Variants in HEPHL1 observed in about 807,000 individuals in gnomAD.
HEPHL1 encodes the protein ferroxidase HEPHL1.
A neutral mutation model predicts 122.0 loss-of-function variants in HEPHL1; 123 were observed. That is an observed-to-expected ratio of 1.01 (90% CI 0.87 to 1.17). HEPHL1 has a LOEUF of 1.17. HEPHL1 is among the 50% of genes most tolerant of loss of function. HEPHL1 has a pLI of 0.00. For synonymous variants in HEPHL1, 527 were observed against 508.9 expected (o/e 1.04, Z -0.48); for missense variants, 1,452 against 1,430.5 (o/e 1.01, Z -0.24).
Position 94,075,326 on chromosome 11 carries a change from G to A in HEPHL1, c.1657G>A (p.Gly553Ser), listed in dbSNP as rs371825665. 16 of 1,613,298 alleles carry A rather than the reference G, an allele frequency of 9.9e-6. No homozygotes were observed. Among genetic ancestry groups the A allele is most frequent in the Non-Finnish European group, 1.3e-5 (15 of 1,179,620 alleles). ...TGATCCAATTAAGGACACCAGCTCT[G>A]GCCTGGTAGGGCCTTTGCTAGTCTG... ...AVDPIKDTSS[G>S]LVGPLLVCKK... is the part of the protein sequence containing the mutation. The change falls in exon 9 of 20, where the codon GGC becomes AGC. Residue 553 changes from glycine to serine, a missense_variant. Coordinates refer to ENST00000315765, the MANE Select transcript of HEPHL1 (RefSeq NM_001098672.2).
chr11:94,098,118 C>G (rs1946334272), intron 13 of HEPHL1, among the ~76,000 whole-genome samples: 1 of 152,206 alleles, frequency 6.6e-6, no homozygotes, highest in African/African-American at 2.4e-5. Context: ...CATCGATGAT[C>G]TTTACAATTT....
intron 2 of HEPHL1, among the ~76,000 whole-genome samples, chr11:94,046,448 T>C (rs1375609929): frequency 6.7e-6 from 1 of 150,322 alleles, no homozygotes; most frequent in Non-Finnish European, 1.5e-5. Context: ...TCTTTCTTGC[T>C]CTTCTTTATG....
chr11:94,063,765 T>A, intron 3 of HEPHL1, 45 bp downstream of exon 3: 1 of 1,527,388 alleles, frequency 6.5e-7, no homozygotes, highest in Non-Finnish European at 9.1e-7. Flanking sequence ...GAAATGTGAA[T>A]AAGATTCAGG....
At chr11:94,064,192 T>G (rs777916873) in intron 3 of HEPHL1, 139 bp from the exon 4 acceptor site, 4 of 588,982 alleles carry the variant, frequency 6.8e-6, no homozygotes, top group African/African-American at 1.9e-5. Flanking sequence ...ATTAAAGCCT[T>G]TTGCTGATTT....
rs1402446031 is a variant in HEPHL1 at position 94,113,148 on chromosome 11, C to T, written c.*1254C>T. The T allele has an allele frequency of 6.6e-6, 1 of 152,174 alleles. No homozygotes were observed. Among genetic ancestry groups the T allele is most frequent in the Non-Finnish European group, 1.5e-5 (1 of 68,028 alleles). The allele number at this position is 152,174 out of a possible 1,614,324, so 9.4% of individuals were successfully genotyped here. On this transcript the variant is annotated 3_prime_UTR_variant, in exon 20 of 20. Coordinates refer to ENST00000315765, the MANE Select transcript of HEPHL1 (RefSeq NM_001098672.2). ...ACTCAACCCATTATGAGGCAATCTACACTGTCCATACCTATGCTTAGACAG... is the reference window on the plus strand; with the variant it reads ...ACTCAACCCATTATGAGGCAATCTATACTGTCCATACCTATGCTTAGACAG...
intron 6 of HEPHL1, among the ~76,000 whole-genome samples, chr11:94,072,731 C>A (rs1414904101): frequency 6.6e-6 from 1 of 151,982 alleles, no homozygotes; most frequent in Admixed American, 6.6e-5. Context: ...TTGTAGAACA[C>A]CATTCTGGAA....
At chr11:94,080,158 T>C (rs1182398541) in intron 9 of HEPHL1, among the ~76,000 whole-genome samples, 1 of 152,198 alleles carries the variant, frequency 6.6e-6, no homozygotes, top group East Asian at 1.9e-4. Context: ...TACAACCATC[T>C]GATCTTTGAC....
rs1339798316 is a variant in HEPHL1, at chr11:94,088,969, G to A, written c.2294+1G>A. On this transcript the variant is annotated splice_donor_variant, in intron 12 of 19. Coordinates refer to ENST00000315765, the MANE Select transcript of HEPHL1 (RefSeq NM_001098672.2). LOFTEE classifies it high-confidence loss of function. ...AGCACGTGGACGCAAGAGGGGAAAGGTACCACAGGCGCCGCCGCTAGGGCT... is the reference window on the plus strand; with the variant it reads ...AGCACGTGGACGCAAGAGGGGAAAGATACCACAGGCGCCGCCGCTAGGGCT... The A allele has an allele frequency of 5.0e-6, 8 of 1,613,892 alleles. No individual in the cohort carries two copies. The highest frequency in any genetic ancestry group is 1.1e-5 in the South Asian group (1 of 91,078).
intron 10 of HEPHL1, 90 bp from the exon 11 acceptor site, chr11:94,085,887 C>G (rs1001205284): frequency 8.7e-5 from 80 of 920,668 alleles, no homozygotes; most frequent in Non-Finnish European, 1.3e-4. Context: ...TCTCTGAAAA[C>G]AAGGATCTTT....
intron 12 of HEPHL1, among the ~76,000 whole-genome samples, chr11:94,091,729 T>C (rs1409288576): frequency 6.6e-6 from 1 of 152,064 alleles, no homozygotes; most frequent in Non-Finnish European, 1.5e-5. Flanking sequence ...AGGTTGGTAG[T>C]CGGCGGGGGC....
At chr11:94,037,108 G>A (rs1470051698) in intron 1 of HEPHL1, among the ~76,000 whole-genome samples, 38 of 152,154 alleles carry the variant, frequency 2.5e-4, no homozygotes, top group African/African-American at 2.9e-4. Flanking sequence ...AAGGGGTGAC[G>A]GACGCACCTG....
At chr11:94,105,202 G>T (rs1156960281) in intron 16 of HEPHL1, among the ~76,000 whole-genome samples, 1 of 152,142 alleles carries the variant, frequency 6.6e-6, no homozygotes, top group African/African-American at 2.4e-5. Context: ...TGGGAGTAAT[G>T]TGTTCACATT....
intron 11 of HEPHL1, among the ~76,000 whole-genome samples, chr11:94,088,129 C>A (rs1486144764): frequency 6.6e-6 from 1 of 152,110 alleles, no homozygotes; most frequent in African/African-American, 2.4e-5. Flanking sequence ...TTTTGACAGA[C>A]AGGATTGTCA....
In HEPHL1 at chr11:94,073,373, G is replaced by T. The variant is rs750689503; in HGVS notation, c.1438G>T (p.Val480Phe). ...GACCTTTGCCAACAAAGCCGACAAG[G>T]TCTATAGCATTTTACCCCATGGTGT... is the stretch of plus-strand genomic sequence containing the variant. ...LVTFANKADK[V>F]YSILPHGVIY... is the part of the protein sequence containing the mutation. Residue 480 changes from valine (V) to phenylalanine (F), a missense_variant, in exon 8 of 20, where the codon GTC becomes TTC. Physicochemically the swap from Val to Phe is conservative, Grantham distance 50 (BLOSUM62 -1). Coordinates refer to ENST00000315765, the MANE Select transcript of HEPHL1 (RefSeq NM_001098672.2). 2 of 1,584,042 alleles carry T rather than the reference G, an allele frequency of 1.3e-6. No individual in the cohort carries two copies. Among genetic ancestry groups the T allele is most frequent in the East Asian group, 4.6e-5 (2 of 43,832 alleles).
Position 94,082,474 on chromosome 11 carries a change from C to T in HEPHL1, c.1773C>T (p.Ser591=). 6.2e-7 allele frequency: 1 copy of T among 1,611,916 alleles called. No individual in the cohort carries two copies. The highest frequency in any genetic ancestry group is 8.5e-7 in the Non-Finnish European group (1 of 1,178,170). Residue 591 remains serine (S), a synonymous_variant, in exon 10 of 20, where the codon AGC becomes AGT. Coordinates refer to ENST00000315765, the MANE Select transcript of HEPHL1 (RefSeq NM_001098672.2). ...TCACAGTCTTTGATGAGAATCTGAG[C>T]AGATATTTTGATGAAAACATTCAGA... The part of the protein sequence containing the change: ...LLFTVFDENL[S]RYFDENIQKF...
chr11:94,064,229 T>C (rs559887267), intron 3 of HEPHL1, 102 bp from the exon 4 acceptor site: 2 of 773,986 alleles, frequency 2.6e-6, no homozygotes, highest in Admixed American at 2.7e-5. Flanking sequence ...CTTGTAGGTA[T>C]AGGTCTTCAC....
chr11:94,113,001 G>A lies in HEPHL1; in HGVS notation c.*1107G>A, dbSNP rs28373810. ...TACCTCTTCATGGAAGGAGAAAAAA[G>A]GAAAAGGAAAGGTGAGAAAAAGATA... On this transcript the variant is annotated 3_prime_UTR_variant, in exon 20 of 20. Transcript: ENST00000315765. The A allele has an allele frequency of 6.6e-6, 1 of 151,956 alleles. No homozygotes were observed. Among genetic ancestry groups the A allele is most frequent in the Admixed American group, 6.6e-5 (1 of 15,258 alleles). 9.4% of individuals were successfully genotyped at this position (151,956 alleles called of 1,614,324 possible). A position where few individuals can be genotyped will look rare whatever the true frequency, so the allele number is the denominator to read the frequency against.
At position 94,113,092 on chromosome 11, in the gene HEPHL1, TTCAAATGCA is replaced by T. The variant is rs577628469; in HGVS notation, c.*1199_*1207del. 6.6e-5 allele frequency: 10 copies of T among 152,194 alleles called. No homozygotes were observed. Among genetic ancestry groups the T allele is most frequent in the African/African-American group, 2.4e-4 (10 of 41,534 alleles). The allele number at this position is 152,194 out of a possible 1,614,324, so 9.4% of individuals were successfully genotyped here. The stretch of plus-strand genomic sequence containing the variant: ...GAAAATTAATAAATAATTTCCAAGG[TTCAAATGCA>T]AAAAAATTATTGAACAACTAAACTC... On this transcript the variant is annotated 3_prime_UTR_variant, in exon 20 of 20. Transcript: ENST00000315765.
rs755716566 is a variant in HEPHL1, at chr11:94,103,273, C to CAAA, written c.2682+274_2682+276dup. 6.1e-4 allele frequency among the ~76,000 whole-genome samples: 27 copies of CAAA among 44,248 alleles called. 1 individual carries two copies. Among genetic ancestry groups the CAAA allele is most frequent in the East Asian group, 2.7e-3 (4 of 1,482 alleles). The allele number at this position is 44,248 out of a possible 152,430, so 29.0% of individuals were successfully genotyped here. ...TACTATCTGGTGATTTTTTTTTTCC[C>CAAA]AAAAAAAAAAAAAAAAAAAAAAAGT... is the stretch of plus-strand genomic sequence containing the variant. On this transcript the variant is annotated intron_variant, in intron 15 of 19. Transcript: ENST00000315765.
Sources: gnomAD v4.1 joint callset for allele counts (sites outside exome capture counted in the v4.1 genomes callset) on GRCh38, gnomAD v4.1.1 for gene constraint, MANE v1.5 for transcripts, NCBI Gene and HGNC (gene_info 2026-07-23, HGNC 2026-07-21) for gene names.